Variants in EXOC2 observed in about 807,000 individuals in gnomAD.
The protein encoded by EXOC2 is SEC5-like 1.
In EXOC2, 70 loss-of-function variants were observed where a neutral mutation model predicts 131.8. That is an observed-to-expected ratio of 0.53 (90% CI 0.44 to 0.65). The LOEUF is 0.65. EXOC2 is among the 30% of genes least tolerant of loss of function. EXOC2 has a pLI of 0.00. For missense variants in EXOC2, 923 were observed against 1,108.6 expected (o/e 0.83, Z 2.38); for synonymous variants, 411 against 398.4 (o/e 1.03, Z -0.38).
intron 10 of EXOC2, among the ~76,000 whole-genome samples, chr6:595,781 G>A (rs1332636522): frequency 2.6e-5 from 4 of 152,172 alleles, no homozygotes; most frequent in East Asian, 1.9e-4. Context: ...GCCTCAGGAC[G>A]TCTGAGGCTA....
At chr6:550,458 C>T (rs1364765932) in intron 21 of EXOC2, among the ~76,000 whole-genome samples, 1 of 152,168 alleles carries the variant, frequency 6.6e-6, no homozygotes, top group East Asian at 1.9e-4. Context: ...GTAGCCTATT[C>T]ACTACCTGTT....
intron 11 of EXOC2, among the ~76,000 whole-genome samples, chr6:584,753 T>C (rs983566488): frequency 1.3e-5 from 2 of 152,276 alleles, no homozygotes; most frequent in Non-Finnish European, 2.9e-5. Flanking sequence ...ATGTTCTAAA[T>C]GTTGCCTACT....
chr6:523,886 C>T (rs1765610885), intron 23 of EXOC2, among the ~76,000 whole-genome samples: 1 of 152,162 alleles, frequency 6.6e-6, no homozygotes, highest in Admixed American at 6.5e-5. Context: ...CCTCTATTTT[C>T]CGCTGAATTG....
chr6:675,425 G>A lies in EXOC2; in HGVS notation c.-44+17594C>T, dbSNP rs148163086. On this transcript the variant is annotated intron_variant, in intron 1 of 27. Coordinates refer to ENST00000230449, the MANE Select transcript of EXOC2 (RefSeq NM_018303.6). ...GATCAAGGAAGGTCAGTGATAGTGC[G>A]CAGACATGCAGGAGTACATGAAGAG... Among the ~76,000 whole-genome samples, 1,180 of 152,324 alleles carry A rather than the reference G, an allele frequency of 7.7e-3. 8 individuals carry two copies. The highest frequency in any genetic ancestry group is 0.014 in the Non-Finnish European group (951 of 68,026).
chr6:578,538 C>T (rs1007300926), intron 11 of EXOC2, among the ~76,000 whole-genome samples: 9 of 152,182 alleles, frequency 5.9e-5, no homozygotes, highest in African/African-American at 1.4e-4. Context: ...TGCCCCTGGA[C>T]GTGACACACT....
At chr6:558,827 T>TAA (rs142236070) in intron 17 of EXOC2, among the ~76,000 whole-genome samples, 3 of 149,540 alleles carry the variant, frequency 2.0e-5, no homozygotes, top group African/African-American at 7.4e-5. Flanking sequence ...AATTAAAAAT[T>TAA]AAAAAAAAAA....
intron 22 of EXOC2, among the ~76,000 whole-genome samples, chr6:539,238 C>T (rs931438618): frequency 3.3e-5 from 5 of 152,180 alleles, no homozygotes; most frequent in East Asian, 1.9e-4. Context: ...GAGGGTCTTT[C>T]GAAGCATTAA....
At chr6:532,343 A>C (rs1463782572) in intron 23 of EXOC2, 126 bp downstream of exon 23, 1 of 1,087,234 alleles carries the variant, frequency 9.2e-7, no homozygotes, top group Non-Finnish European at 1.2e-6. Flanking sequence ...CAAAAAGTTA[A>C]AATCAAATTA....
intron 6 of EXOC2, among the ~76,000 whole-genome samples, 160 bp from the exon 7 acceptor site, chr6:610,338 C>A (rs924312470): frequency 3.9e-5 from 6 of 152,160 alleles, no homozygotes; most frequent in African/African-American, 1.4e-4. Context: ...CCAGCAGACA[C>A]CAGTCTAAGT....
intron 2 of EXOC2, among the ~76,000 whole-genome samples, chr6:633,406 T>C (rs1488984402): frequency 1.3e-5 from 2 of 152,350 alleles, no homozygotes; most frequent in African/African-American, 4.8e-5. Flanking sequence ...TTACTTAGAT[T>C]ACGAGAATCT....
intron 7 of EXOC2, among the ~76,000 whole-genome samples, chr6:606,986 C>A (rs1561918301): frequency 6.6e-6 from 1 of 152,214 alleles, no homozygotes; most frequent in Non-Finnish European, 1.5e-5. Flanking sequence ...ACTTTGCTGT[C>A]TGCTGAGAAC....
At chr6:544,784 A>T (rs531839793) in intron 22 of EXOC2, among the ~76,000 whole-genome samples, 1 of 152,340 alleles carries the variant, frequency 6.6e-6, no homozygotes, top group East Asian at 1.9e-4. Context: ...TTCCCTGGAC[A>T]TATAAGAAAA....
intron 1 of EXOC2, among the ~76,000 whole-genome samples, chr6:687,171 C>CTTATTTTT (rs1764696507): frequency 1.3e-5 from 1 of 78,360 alleles, no homozygotes; most frequent in Non-Finnish European, 2.2e-5. Context: ...AAATAATATT[C>CTTATTTTT]TTTTTTTTTT....
chr6:583,749 A>G (rs914047641), intron 11 of EXOC2, among the ~76,000 whole-genome samples: 1 of 152,204 alleles, frequency 6.6e-6, no homozygotes, highest in Non-Finnish European at 1.5e-5. Flanking sequence ...TTCCAAAGAC[A>G]ATTTTGAAAA....
At chr6:676,048 G>A (rs371924179) in intron 1 of EXOC2, among the ~76,000 whole-genome samples, 1,467 of 72,952 alleles carry the variant, frequency 0.02, 67 homozygotes, top group African/African-American at 0.054. Context: ...ATACTCTTCA[G>A]CATTACAGAA....
chr6:556,931 G>A (rs914297139), intron 17 of EXOC2, among the ~76,000 whole-genome samples: 10 of 152,200 alleles, frequency 6.6e-5, no homozygotes, highest in African/African-American at 2.4e-4. Flanking sequence ...TCTGGGATGA[G>A]CTGAGTCTCC....
intron 2 of EXOC2, among the ~76,000 whole-genome samples, chr6:636,056 C>T (rs147473991): frequency 5.8e-4 from 88 of 152,276 alleles, no homozygotes; most frequent in African/African-American, 1.6e-3. Context: ...AGCGAGACTC[C>T]GTCTCAAAAC....
chr6:497,063 C>T (rs182786430), intron 25 of EXOC2, among the ~76,000 whole-genome samples: 5 of 152,214 alleles, frequency 3.3e-5, no homozygotes, highest in Admixed American at 2.0e-4. Context: ...AAATTTCCTG[C>T]GGAATGGAAT....
intron 23 of EXOC2, among the ~76,000 whole-genome samples, chr6:505,825 C>CA (rs2127494934): frequency 6.6e-6 from 1 of 152,284 alleles, no homozygotes; most frequent in South Asian, 2.1e-4. Flanking sequence ...ACAAGATGTT[C>CA]AAAAATATCC....
Sources: allele counts gnomAD v4.1 joint callset (sites outside exome capture counted in the v4.1 genomes callset), GRCh38; gene constraint gnomAD v4.1.1; transcripts MANE v1.5; gene names NCBI Gene and HGNC (gene_info 2026-07-23, HGNC 2026-07-21).